PTPRB: variants seen among roughly 807,000 people sequenced by gnomAD.
The protein encoded by PTPRB is receptor-type tyrosine-protein phosphatase beta.
PTPRB carries 97 observed loss-of-function variants against 238.1 expected under a neutral mutation model. That is an observed-to-expected ratio of 0.41 (90% CI 0.35 to 0.48). The LOEUF (loss-of-function observed/expected upper bound fraction) is 0.48, where lower values mean the gene tolerates loss of function less well. Ranked by LOEUF, PTPRB falls within the 20% of genes least tolerant of loss-of-function variation. The probability of loss-of-function intolerance (pLI) is 0.30; values close to 1 mark genes in which losing one functional copy is unlikely to be tolerated. For missense variants in PTPRB, 2,292 were observed against 2,681.9 expected (o/e 0.85, Z 3.21); for synonymous variants, 970 against 995.4 (o/e 0.97, Z 0.48).
chr12:70,547,014 T>TG (rs1030026024), intron 21 of PTPRB, among the ~76,000 whole-genome samples: 4 of 152,042 alleles, frequency 2.6e-5, no homozygotes, highest in African/African-American at 4.8e-5. Context: ...ACTCCTTTTT[T>TG]TTTTTGTTTT....
In PTPRB at chr12:70,611,547, G is replaced by A. The variant is rs566012261; in HGVS notation, c.709-2208C>T. 5.9e-5 allele frequency among the ~76,000 whole-genome samples: 9 copies of A among 152,284 alleles called. No individual in the cohort carries two copies. In the East Asian group the frequency reaches 1.5e-3, roughly 26 times the overall value. On this transcript the variant is annotated intron_variant, in intron 3 of 33. Coordinates refer to ENST00000334414, the MANE Select transcript of PTPRB (RefSeq NM_001109754.4). ...ACTCCTGACCTCAAGTGATCGACCC[G>A]CCTTGGCCTCCCAAAGTGCTGGGAT...
chr12:70,597,960 T>C (rs1883174841), intron 4 of PTPRB, among the ~76,000 whole-genome samples: 1 of 152,234 alleles, frequency 6.6e-6, no homozygotes, highest in Admixed American at 6.5e-5. Flanking sequence ...TGCAAAATTA[T>C]ATATGCCACA....
chr12:70,551,373 GT>G (rs1876858839), intron 21 of PTPRB, among the ~76,000 whole-genome samples: 1 of 152,300 alleles, frequency 6.6e-6, no homozygotes, highest in South Asian at 2.1e-4. Flanking sequence ...TGCCTGGGAG[GT>G]AACAGTAACT....
intron 8 of PTPRB, 43 bp downstream of exon 8, chr12:70,589,921 A>T: frequency 6.3e-7 from 1 of 1,578,054 alleles, no homozygotes; most frequent in Non-Finnish European, 8.6e-7. Flanking sequence ...GAGAGGGAAC[A>T]AATTACTCTT....
intron 7 of PTPRB, 138 bp from the exon 8 acceptor site, chr12:70,590,371 G>T: frequency 1.2e-6 from 1 of 840,766 alleles, no homozygotes; most frequent in Non-Finnish European, 1.7e-6. Context: ...TGATGTCTGT[G>T]GATTGCAAAT....
intron 18 of PTPRB, among the ~76,000 whole-genome samples, chr12:70,556,380 A>G (rs1877684578): frequency 1.3e-5 from 2 of 152,172 alleles, no homozygotes; most frequent in African/African-American, 2.4e-5. Flanking sequence ...TAACAGTTAA[A>G]GAATGCCTTG....
intron 3 of PTPRB, chr12:70,609,978 G>A: frequency 2.2e-6 from 1 of 445,902 alleles, no homozygotes; most frequent in Non-Finnish European, 3.6e-6. Context: ...GGCCACCGCT[G>A]CTGCTGCTGC....
chr12:70,606,194 G>A (rs1883930332), intron 4 of PTPRB, among the ~76,000 whole-genome samples: 1 of 152,156 alleles, frequency 6.6e-6, no homozygotes, highest in Admixed American at 6.5e-5. Context: ...AACAAGGTCA[G>A]GAACCACTTT....
intron 33 of PTPRB, among the ~76,000 whole-genome samples, chr12:70,524,249 G>A (rs970799622): frequency 2.0e-5 from 3 of 151,574 alleles, no homozygotes; most frequent in Non-Finnish European, 4.4e-5. Context: ...TTGGGACTAC[G>A]GGCATGCACC....
rs184913502 is a variant in PTPRB at position 70,631,573 on chromosome 12, A to G, written c.451+4098T>C. The stretch of plus-strand genomic sequence containing the variant: ...GCAATGGCAACAAAAGCCAAAATAG[A>G]CAAATGGGATCTAATTAAACTAAAG... On this transcript the variant is annotated intron_variant, in intron 2 of 33. Coordinates refer to ENST00000334414, the MANE Select transcript of PTPRB (RefSeq NM_001109754.4). 2.6e-5 allele frequency among the ~76,000 whole-genome samples: 4 copies of G among 152,354 alleles called. No individual in the cohort carries two copies. The East Asian group carries it at 7.7e-4, about 29-fold the overall frequency.
chr12:70,635,624 ATT>A (rs937024453), intron 2 of PTPRB, 45 bp downstream of exon 2: 1 of 1,565,682 alleles, frequency 6.4e-7, no homozygotes, highest in Non-Finnish European at 8.7e-7. Context: ...CCCCCAAGAT[ATT>A]TAGTAGAAAG....
In PTPRB at chr12:70,607,548, C is replaced by CTT. The variant is rs546758555; in HGVS notation, c.979+1519_979+1520dup. ...AAACCACCAGATTCATTTTCCTTTT[C>CTT]TTTTTTTTTTTTTTTTTGAGACAGA... On this transcript the variant is annotated intron_variant, in intron 4 of 33. Transcript: ENST00000334414. Among the ~76,000 whole-genome samples, 57 of 137,112 alleles carry CTT rather than the reference C, an allele frequency of 4.2e-4. 1 individual carries two copies. Among genetic ancestry groups the CTT allele is most frequent in the Non-Finnish European group, 6.3e-4 (40 of 63,134 alleles). The allele number at this position is 137,112 out of a possible 152,430, so 90.0% of individuals were successfully genotyped here. A position where few individuals can be genotyped will look rare whatever the true frequency, so the allele number is the denominator to read the frequency against.
chr12:70,570,748 T>C (rs1304595559), intron 13 of PTPRB, among the ~76,000 whole-genome samples: 1 of 152,132 alleles, frequency 6.6e-6, no homozygotes, highest in African/African-American at 2.4e-5. Context: ...AAGTAACACT[T>C]AATTCTTAAT....
intron 2 of PTPRB, among the ~76,000 whole-genome samples, chr12:70,633,759 G>A (rs1885561336): frequency 6.6e-6 from 1 of 152,148 alleles, no homozygotes; most frequent in Non-Finnish European, 1.5e-5. Context: ...AGACATATTT[G>A]TATGAGGGTC....
chr12:70,621,546 C>T (rs112314798), intron 3 of PTPRB, among the ~76,000 whole-genome samples: 7,086 of 152,270 alleles, frequency 0.047, 200 homozygotes, highest in African/African-American at 0.069. Context: ...TTATTCAATG[C>T]ACTGGCTATA....
chr12:70,554,418 C>CACACAA, intron 20 of PTPRB, among the ~76,000 whole-genome samples: 1 of 152,248 alleles, frequency 6.6e-6, no homozygotes, highest in South Asian at 2.1e-4. Context: ...ACCTCAATGG[C>CACACAA]GAATACATAT....
rs1874814461 is a variant in PTPRB, at chr12:70,540,039, A to ATAAC, written c.5595-21_5595-18dup. ...CGACCATGGCTGAAACATAAGGGAG[A>ATAAC]TAACTTTTATTCTGATTATGATACT... On this transcript the variant is annotated splice_polypyrimidine_tract_variant and intron_variant, in intron 23 of 33. Coordinates refer to ENST00000334414, the MANE Select transcript of PTPRB (RefSeq NM_001109754.4). 1.3e-6 allele frequency: 2 copies of ATAAC among 1,578,568 alleles called. No individual in the cohort carries two copies. The highest frequency in any genetic ancestry group is 8.7e-7 in the Non-Finnish European group (1 of 1,149,270).
chr12:70,574,255 A>G (rs1167907471), intron 11 of PTPRB, among the ~76,000 whole-genome samples: 1 of 152,208 alleles, frequency 6.6e-6, no homozygotes, highest in Non-Finnish European at 1.5e-5. Flanking sequence ...TTGGCATGGA[A>G]GCTCCATTTT....
chr12:70,563,796 C>T (rs1243986757), intron 15 of PTPRB, among the ~76,000 whole-genome samples: 3 of 152,186 alleles, frequency 2.0e-5, no homozygotes, highest in African/African-American at 7.2e-5. Flanking sequence ...GCATCATCTT[C>T]TACCAGACAT....
Sources: allele counts gnomAD v4.1 joint callset (sites outside exome capture counted in the v4.1 genomes callset), GRCh38; gene constraint gnomAD v4.1.1; transcripts MANE v1.5; gene names NCBI Gene and HGNC (gene_info 2026-07-23, HGNC 2026-07-21).